The following GAS2 variants were observed in gnomAD, a reference collection of about 807,000 sequenced individuals.
GAS2 encodes growth arrest specific 2, also known as growth arrest-specific protein 2.
A neutral mutation model predicts 37.5 loss-of-function variants in GAS2; 20 were observed. That is an observed-to-expected ratio of 0.53 (90% CI 0.37 to 0.77). The LOEUF is 0.77. Ranked by LOEUF, GAS2 falls within the 30% of genes least tolerant of loss-of-function variation. The pLI, the probability that GAS2 is intolerant of heterozygous loss-of-function variation, is 0.00. For missense variants in GAS2, 336 were observed against 373.4 expected (o/e 0.90, Z 0.82); for synonymous variants, 144 against 132.2 (o/e 1.09, Z -0.61).
intron 1 of GAS2, among the ~76,000 whole-genome samples, chr11:22,670,948 C>T (rs1849174933): frequency 1.3e-5 from 2 of 152,060 alleles, no homozygotes; most frequent in African/African-American, 4.8e-5. Context: ...TTTTCTCTAA[C>T]ATGTCAGCAA....
intron 1 of GAS2, among the ~76,000 whole-genome samples, chr11:22,669,164 G>T (rs1211050381): frequency 6.6e-6 from 1 of 152,086 alleles, no homozygotes; most frequent in Non-Finnish European, 1.5e-5. Context: ...AACTAAAACA[G>T]AAATCTTTAT....
At chr11:22,665,337 G>C (rs1232156329), upstream of GAS2, among the ~76,000 whole-genome samples, 1 of 152,068 alleles carries the variant, frequency 6.6e-6, no homozygotes, top group East Asian at 1.9e-4. Flanking sequence ...AAGAACATTT[G>C]ATTTTTTACT....
chr11:22,652,999 C>CTTTCTTTCTTTCTTTT lies in GAS2; in HGVS notation c.-20-21836_-20-21835insTTTTCTTTCTTTCTTT, dbSNP rs1400839607. Among the ~76,000 whole-genome samples, 464 of 138,134 alleles carry CTTTCTTTCTTTCTTTT rather than the reference C, an allele frequency of 3.4e-3. 4 individuals carry two copies. Among genetic ancestry groups the CTTTCTTTCTTTCTTTT allele is most frequent in the African/African-American group, 9.6e-3 (355 of 37,060 alleles). The allele number at this position is 138,134 out of a possible 152,430, so 90.6% of individuals were successfully genotyped here. A position where few individuals can be genotyped will look rare whatever the true frequency, so the allele number is the denominator to read the frequency against. On this transcript the variant is annotated intron_variant, in intron 1 of 5. Coordinates refer to the GAS2 transcript ENST00000528582. ...TCTTTGTCTTTCTTTCTTTGTCTTT[C>CTTTCTTTCTTTCTTTT]TTTCTTTCTTTCTTTCTTTCTTTCT...
chr11:22,660,337 ATATCT>A (rs1389936303), intron 1 of GAS2, among the ~76,000 whole-genome samples: 8 of 152,184 alleles, frequency 5.3e-5, no homozygotes. Flanking sequence ...AATGCTGCTA[ATATCT>A]TTATCTTAGG....
upstream of GAS2, chr11:22,666,507 C>T (rs337498): frequency 0.63 from 95,781 of 152,068 alleles, 34,420 homozygotes; most frequent in Non-Finnish European, 0.81. Context: ...GGGGCTGGAG[C>T]TTGGCCCCAA....
intron 1 of GAS2, among the ~76,000 whole-genome samples, chr11:22,631,937 G>T (rs1209775981): frequency 7.2e-6 from 1 of 138,262 alleles, no homozygotes; most frequent in East Asian, 2.2e-4. Context: ...GAATCCATCT[G>T]GCCCTGGACT....
In GAS2 at chr11:22,755,839, A is replaced by G. The variant is rs766559835; in HGVS notation, c.616-7A>G. On this transcript the variant is annotated splice_region_variant and splice_polypyrimidine_tract_variant and intron_variant, in intron 6 of 7. Coordinates refer to ENST00000454584, the MANE Select transcript of GAS2 (RefSeq NM_001143830.3). The stretch of plus-strand genomic sequence containing the variant: ...GACAAATGAATGTGCCTGCTCTTCT[A>G]TTTCAGGTGAAACGAATTTCTGAAG... The G allele has an allele frequency of 6.2e-6, 10 of 1,606,734 alleles. No individual in the cohort carries two copies. The highest frequency in any genetic ancestry group is 8.5e-6 in the Non-Finnish European group (10 of 1,173,838).
chr11:22,799,575 C>T (rs956175194), intron 7 of GAS2, among the ~76,000 whole-genome samples: 9 of 152,020 alleles, frequency 5.9e-5, no homozygotes, highest in African/African-American at 1.7e-4. Context: ...TTTTGACCCA[C>T]GTCTATCTTT....
At chr11:22,685,192 G>A (rs1451427385) in intron 2 of GAS2, among the ~76,000 whole-genome samples, 1 of 152,072 alleles carries the variant, frequency 6.6e-6, no homozygotes, top group Non-Finnish European at 1.5e-5. Context: ...GAGACCTACG[G>A]CGTTCTTGTA....
Position 22,717,060 on chromosome 11 carries a change from T to C in GAS2, c.268-9232T>C, listed in dbSNP as rs192706567. On this transcript the variant is annotated intron_variant, in intron 3 of 7. Coordinates refer to ENST00000454584, the MANE Select transcript of GAS2 (RefSeq NM_001143830.3). ...ATGGGTAGAATTAACATTGTGAAGA[T>C]GACCATACTTCCAAAAGCAATCTAC... 2.1e-3 allele frequency among the ~76,000 whole-genome samples: 324 copies of C among 152,268 alleles called. 1 individual carries two copies. The Middle Eastern group carries it at 0.024, about 11-fold the overall frequency.
chr11:22,745,111 T>C (rs368842641), intron 5 of GAS2, among the ~76,000 whole-genome samples: 1,040 of 86,918 alleles, frequency 0.012, 21 homozygotes, highest in African/African-American at 0.035. Flanking sequence ...TAAAATTCAT[T>C]TGGAACCAAA....
chr11:22,660,909 C>T (rs888716022), intron 1 of GAS2, among the ~76,000 whole-genome samples: 2 of 152,156 alleles, frequency 1.3e-5, no homozygotes, highest in African/African-American at 2.4e-5. Flanking sequence ...TTTGGAACTA[C>T]CAAAATGCTT....
At chr11:22,751,404 A>G (rs930290302) in intron 6 of GAS2, among the ~76,000 whole-genome samples, 3 of 152,030 alleles carry the variant, frequency 2.0e-5, no homozygotes, top group Non-Finnish European at 4.4e-5. Context: ...ATTTGTATCT[A>G]TTTAATGAAG....
chr11:22,695,055 C>T (rs607454), intron 3 of GAS2, among the ~76,000 whole-genome samples: 29,869 of 152,032 alleles, frequency 0.2, 3,149 homozygotes, highest in East Asian at 0.36. Flanking sequence ...TGCGGTGGCT[C>T]ACCCCTGTAT....
At chr11:22,698,026 T>G (rs973065642) in intron 3 of GAS2, among the ~76,000 whole-genome samples, 1 of 152,148 alleles carries the variant, frequency 6.6e-6, no homozygotes, top group African/African-American at 2.4e-5. Flanking sequence ...TTGTGCCAGT[T>G]TTCAAAGGGA....
At chr11:22,666,407 A>G (rs1202561986), upstream of GAS2, among the ~76,000 whole-genome samples, 1 of 152,182 alleles carries the variant, frequency 6.6e-6, no homozygotes, top group African/African-American at 2.4e-5. Context: ...TGCTAAAGCT[A>G]TTGACTCTGT....
At chr11:22,732,084 C>T (rs931551053) in intron 4 of GAS2, among the ~76,000 whole-genome samples, 6 of 151,802 alleles carry the variant, frequency 4.0e-5, no homozygotes, top group African/African-American at 1.4e-4. Context: ...GAATTCAGCT[C>T]CATTCACCTT....
At chr11:22,708,574 T>C (rs1023337925) in intron 3 of GAS2, among the ~76,000 whole-genome samples, 4 of 152,168 alleles carry the variant, frequency 2.6e-5, no homozygotes, top group Non-Finnish European at 5.9e-5. Context: ...GCAGTCTGGT[T>C]CCAAATGTAC....
intron 5 of GAS2, among the ~76,000 whole-genome samples, chr11:22,746,900 A>G (rs78141131): frequency 0.014 from 2,101 of 152,302 alleles, 56 homozygotes; most frequent in African/African-American, 0.048. Context: ...GGTCAATGGA[A>G]CAGTTAGTTC....
Sources: allele counts gnomAD v4.1 joint callset (sites outside exome capture counted in the v4.1 genomes callset), GRCh38; gene constraint gnomAD v4.1.1; transcripts MANE v1.5; gene names NCBI Gene and HGNC (gene_info 2026-07-23, HGNC 2026-07-21).